The following RYR1 variants were observed in gnomAD, a reference collection of about 807,000 sequenced individuals.
The protein encoded by RYR1 is ryanodine receptor 1.
A neutral mutation model predicts 583.5 loss-of-function variants in RYR1; 342 were observed. The ratio of observed to expected loss-of-function variants is 0.59; its 90% CI spans 0.54 to 0.64. The LOEUF is 0.64. Ranked by LOEUF, RYR1 falls within the 30% of genes least tolerant of loss-of-function variation. RYR1 has a pLI of 0.00. For missense variants in RYR1, 6,032 were observed against 6,917.2 expected (o/e 0.87, Z 4.54); for synonymous variants, 2,791 against 2,822.5 (o/e 0.99, Z 0.35).
chr19:38,438,597 G>A (rs1338420811), intron 1 of RYR1, among the ~76,000 whole-genome samples: 1 of 132,340 alleles, frequency 7.6e-6, no homozygotes, highest in African/African-American at 2.8e-5. Context: ...GTCTCATTAT[G>A]TATATTGCCC....
chr19:38,451,898 C>T lies in RYR1; in HGVS notation c.1244+13C>T. ...ACCAGTTCATCAAGTGAGCAACCTG[C>T]CCTCCCTGCTGGGGTGACTCCTGTG... On this transcript the variant is annotated intron_variant, in intron 12 of 105. Transcript: ENST00000359596. The T allele has an allele frequency of 6.2e-7, 1 of 1,614,036 alleles. No individual in the cohort carries two copies. Among genetic ancestry groups the T allele is most frequent in the South Asian group, 1.1e-5 (1 of 91,082 alleles).
At chr19:38,554,627 T>C (rs1972806214) in intron 89 of RYR1, among the ~76,000 whole-genome samples, 1 of 151,978 alleles carries the variant, frequency 6.6e-6, no homozygotes, top group South Asian at 2.1e-4. Context: ...TTTATTTATT[T>C]ATTTATTTAA....
At chr19:38,434,489 G>A (rs1375355196) in intron 1 of RYR1, among the ~76,000 whole-genome samples, 1 of 152,094 alleles carries the variant, frequency 6.6e-6, no homozygotes, top group African/African-American at 2.4e-5. Context: ...CTCTTTGGGT[G>A]TCTCCATGTC....
rs1973010179 is a variant in RYR1 at position 38,559,187 on chromosome 19, G to A, written c.12283-1926G>A. 4.0e-5 allele frequency among the ~76,000 whole-genome samples: 6 copies of A among 151,678 alleles called. No homozygotes were observed. The South Asian group carries it at 1.0e-3, about 26-fold the overall frequency. On this transcript the variant is annotated intron_variant, in intron 89 of 105. Transcript: ENST00000359596. ...ACAAGAGCAAAGTCTAGGAGTGAATGGAGGTGATAGTGTCCCAGGCGCCTG... is the reference window on the plus strand; with the variant it reads ...ACAAGAGCAAAGTCTAGGAGTGAATAGAGGTGATAGTGTCCCAGGCGCCTG...
chr19:38,501,978 C>T (rs1970141822), intron 47 of RYR1, among the ~76,000 whole-genome samples: 1 of 143,742 alleles, frequency 7.0e-6, no homozygotes, highest in African/African-American at 2.7e-5. Flanking sequence ...AGAGCGAGAC[C>T]TTATCTCAGA....
rs1399202203 is a variant in RYR1 at position 38,504,596 on chromosome 19, G to A, written c.8068-152G>A. 6.1e-6 allele frequency: 7 copies of A among 1,139,150 alleles called. No homozygotes were observed. The Admixed American group carries it at 7.9e-5, about 13-fold the overall frequency. The allele number at this position is 1,139,150 out of a possible 1,614,324, so 70.6% of individuals were successfully genotyped here. A position where few individuals can be genotyped will look rare whatever the true frequency, so the allele number is the denominator to read the frequency against. ...ATGGGGATGATTTGAGCATACAATTGGGACTGACATTTGGGTTTCAAGGAG... is the reference window on the plus strand; with the variant it reads ...ATGGGGATGATTTGAGCATACAATTAGGACTGACATTTGGGTTTCAAGGAG... On this transcript the variant is annotated intron_variant, in intron 50 of 105. Coordinates refer to ENST00000359596, the MANE Select transcript of RYR1 (RefSeq NM_000540.3).
At chr19:38,459,482 G>A (rs1368914351) in intron 19 of RYR1, 144 bp downstream of exon 19, 1 of 768,280 alleles carries the variant, frequency 1.3e-6, no homozygotes, top group African/African-American at 1.7e-5. Flanking sequence ...ACCCTTACTT[G>A]AAGATCCCAG....
At chr19:38,523,409 G>A (rs1568535329) in intron 69 of RYR1, 100 bp downstream of exon 69, 2 of 1,397,760 alleles carry the variant, frequency 1.4e-6, no homozygotes, top group African/African-American at 1.4e-5. Flanking sequence ...CCCGTCCTGG[G>A]CGCAATCCCT....
At chr19:38,582,321 C>T (rs1393851817) in intron 101 of RYR1, among the ~76,000 whole-genome samples, 8 of 151,864 alleles carry the variant, frequency 5.3e-5, no homozygotes, top group African/African-American at 1.7e-4. Context: ...CACTTGAACC[C>T]GGGAGGTGGA....
chr19:38,562,391 C>T (rs748007436), intron 90 of RYR1, among the ~76,000 whole-genome samples: 10 of 152,170 alleles, frequency 6.6e-5, no homozygotes, highest in Admixed American at 2.0e-4. Context: ...TTCCCTCACA[C>T]TCCCCACACG....
intron 83 of RYR1, 150 bp from the exon 84 acceptor site, chr19:38,537,730 C>G (rs952428198): frequency 1.2e-4 from 97 of 785,162 alleles, no homozygotes; most frequent in Middle Eastern, 7.0e-4. Context: ...TGCCCATGGC[C>G]CTCACAGTGT....
At chr19:38,518,321 AG>A (rs1265222186) in intron 66 of RYR1, among the ~76,000 whole-genome samples, 4 of 150,406 alleles carry the variant, frequency 2.7e-5, no homozygotes, top group Admixed American at 6.7e-5. Flanking sequence ...GCACTTTGAG[AG>A]GCCAAGGTGG....
chr19:38,512,158 C>T lies in RYR1; in HGVS notation c.9233+26C>T. The T allele has an allele frequency of 6.2e-7, 1 of 1,613,826 alleles. No homozygotes were observed. The highest frequency in any genetic ancestry group is 8.5e-7 in the Non-Finnish European group (1 of 1,179,804). Reference sequence around the variant, plus strand: ...GTAGGGCCATAGGCAGTGGCGCCCACTCCCACCATCATCGGGCCCCCACCC... The same window carrying T: ...GTAGGGCCATAGGCAGTGGCGCCCATTCCCACCATCATCGGGCCCCCACCC... On this transcript the variant is annotated intron_variant, in intron 62 of 105. Transcript: ENST00000359596. This position sits in a 1 kb window ranked among gnomAD's most constrained non-coding sequence, Gnocchi z 5.1.
chr19:38,548,518 G>A, intron 89 of RYR1, 98 bp downstream of exon 89: 1 of 1,091,664 alleles, frequency 9.2e-7, no homozygotes, highest in Non-Finnish European at 1.4e-6. Flanking sequence ...AGACATCTCT[G>A]CAAGCCTCAC....
chr19:38,535,072 G>GT, intron 79 of RYR1, 69 bp from the exon 80 acceptor site: 1 of 1,521,004 alleles, frequency 6.6e-7, no homozygotes. Context: ...TGGGATGGCT[G>GT]TTTTCTGGTG....
Position 38,587,511 on chromosome 19 carries a change from TGG to T in RYR1, c.*95_*96del. The stretch of plus-strand genomic sequence containing the variant: ...CCCAAGCCCCTCCCCCTAAGGCAGC[TGG>T]GGGAGAGGTGACCTAGTACTGGAAA... On this transcript the variant is annotated 3_prime_UTR_variant, in exon 106 of 106. Coordinates refer to ENST00000359596, the MANE Select transcript of RYR1 (RefSeq NM_000540.3). 1.1e-6 allele frequency: 1 copy of T among 926,150 alleles called. No homozygotes were observed. The highest frequency in any genetic ancestry group is 1.8e-6 in the Non-Finnish European group (1 of 561,846). 57.4% of individuals were successfully genotyped at this position (926,150 alleles called of 1,614,324 possible). A position where few individuals can be genotyped will look rare whatever the true frequency, so the allele number is the denominator to read the frequency against.
intron 39 of RYR1, among the ~76,000 whole-genome samples, chr19:38,495,848 C>T (rs185582094): frequency 2.7e-4 from 41 of 152,172 alleles, no homozygotes; most frequent in Admixed American, 1.4e-3. Flanking sequence ...CTGCAACCTC[C>T]GCATACCGGG....
At position 38,499,666 on chromosome 19, in the gene RYR1, G is replaced by A; in HGVS notation, c.7059G>A (p.Val2353=). 6.3e-7 allele frequency: 1 copy of A among 1,599,362 alleles called. No homozygotes were observed. Among genetic ancestry groups the A allele is most frequent in the South Asian group, 1.1e-5 (1 of 90,994 alleles). The part of the protein sequence containing the change: ...GESVEENANV[V]VRLLIRKPEC... ...GCGTGGAGGAGAACGCCAATGTGGT[G>A]GTGCGGCTGCTCATCCGGAAGCCTG... is the stretch of plus-strand genomic sequence containing the variant. The change falls in exon 44 of 106, where the codon GTG becomes GTA. Residue 2353 remains valine (V), a synonymous_variant. Coordinates refer to ENST00000359596, the MANE Select transcript of RYR1 (RefSeq NM_000540.3). The surrounding 1 kb of genome is among the most constrained non-coding windows in gnomAD (Gnocchi z 7.3).
Position 38,587,341 on chromosome 19 carries a change from A to G in RYR1, c.15038A>G (p.Lys5013Arg). 1 of 1,613,834 alleles carries G rather than the reference A, an allele frequency of 6.2e-7. No individual in the cohort carries two copies. The highest frequency in any genetic ancestry group is 2.2e-5 in the East Asian group (1 of 44,882). The change falls in exon 106 of 106, where the codon AAG becomes AGG. Residue 5013 changes from lysine (K) to arginine (R), a missense_variant. Lys to Arg is a conservative substitution (Grantham distance 26). Transcript: ENST00000359596. ...CAATCCTAGGAGTCTTATGTCTGGA[A>G]GATGTACCAAGAGAGATGTTGGGAT... ...EHTGQESYVW[K>R]MYQERCWDFF...
Sources: allele counts gnomAD v4.1 joint callset (sites outside exome capture counted in the v4.1 genomes callset), GRCh38; gene constraint gnomAD v4.1.1; non-coding constraint Gnocchi (gnomAD v3.1); transcripts MANE v1.5; gene names NCBI Gene and HGNC (gene_info 2026-07-23, HGNC 2026-07-21).